ARHGEF38: variants seen among roughly 807,000 people sequenced by gnomAD.
ARHGEF38 encodes Rho guanine nucleotide exchange factor (GEF) 38.
In ARHGEF38, 79 loss-of-function variants were observed where a neutral mutation model predicts 79.9. The ratio of observed to expected loss-of-function variants is 0.99; its 90% CI spans 0.82 to 1.19. The LOEUF (loss-of-function observed/expected upper bound fraction) is 1.19. ARHGEF38 is among the 50% of genes most tolerant of loss of function. ARHGEF38 has a pLI of 0.00. For synonymous variants in ARHGEF38, 366 were observed against 328.3 expected, an observed-to-expected ratio of 1.11 and a Z score of -1.24; for missense variants, 962 against 907.2, an observed-to-expected ratio of 1.06 and a Z score of -0.78.
At chr4:105,619,493 T>C (rs1728650244) in intron 3 of ARHGEF38, among the ~76,000 whole-genome samples, 1 of 152,114 alleles carries the variant, frequency 6.6e-6, no homozygotes, top group African/African-American at 2.4e-5. Context: ...TTTTAAGTTT[T>C]GGAGTGATTC....
At chr4:105,616,274 TAGTC>T (rs1345228711) in intron 3 of ARHGEF38, among the ~76,000 whole-genome samples, 1 of 152,156 alleles carries the variant, frequency 6.6e-6, no homozygotes. Flanking sequence ...ATGTTTGTAT[TAGTC>T]AGTTTTCACA....
In ARHGEF38 at chr4:105,667,202, A is replaced by C; in HGVS notation, c.1763A>C (p.Gln588Pro). 1 of 1,536,154 alleles carries C rather than the reference A, an allele frequency of 6.5e-7. No homozygotes were observed. Among genetic ancestry groups the C allele is most frequent in the Admixed American group, 2.0e-5 (1 of 50,988 alleles). Reference protein sequence around the residue: ...LSTYSAEELYQAKRKCNATQE... With the variant: ...LSTYSAEELYPAKRKCNATQE... ...ACATATAGTGCAGAGGAACTCTATC[A>C]AGCTAAGCGCAAGTGCAATGCTACA... is the stretch of plus-strand genomic sequence containing the variant. Residue 588 changes from glutamine (Q) to proline (P), a missense_variant, in exon 12 of 14, where the codon CAA becomes CCA. By Grantham distance (76) the Gln-to-Pro change is moderately conservative (BLOSUM62 -1). Coordinates refer to ENST00000420470, the MANE Select transcript of ARHGEF38 (RefSeq NM_001242729.2).
chr4:105,553,198 CT>C (rs528621926), intron 1 of ARHGEF38, among the ~76,000 whole-genome samples: 61 of 149,320 alleles, frequency 4.1e-4, no homozygotes, highest in Admixed American at 8.7e-4. Context: ...CTGTGTTTTT[CT>C]TTTTTTTTTC....
chr4:105,617,128 T>C (rs1274915819), intron 3 of ARHGEF38, among the ~76,000 whole-genome samples: 2 of 152,216 alleles, frequency 1.3e-5, no homozygotes, highest in Admixed American at 1.3e-4. Context: ...TTTTAAAAAT[T>C]CAATTCACAG....
At chr4:105,580,282 CTTTAG>C (rs1726722672) in intron 1 of ARHGEF38, among the ~76,000 whole-genome samples, 1 of 152,088 alleles carries the variant, frequency 6.6e-6, no homozygotes, top group Non-Finnish European at 1.5e-5. Flanking sequence ...GCTCTTCCTT[CTTTAG>C]CTCTTTTATT....
intron 1 of ARHGEF38, among the ~76,000 whole-genome samples, chr4:105,574,734 A>G (rs1726406527): frequency 6.6e-6 from 1 of 151,920 alleles, no homozygotes; most frequent in African/African-American, 2.4e-5. Flanking sequence ...AAAATTTTTT[A>G]TTTCTATAGC....
At chr4:105,587,585 A>G (rs568912874) in intron 1 of ARHGEF38, among the ~76,000 whole-genome samples, 6 of 152,228 alleles carry the variant, frequency 3.9e-5, no homozygotes, top group Admixed American at 3.3e-4. Context: ...CTCAGCCTTC[A>G]AAGTAGCTGG....
chr4:105,598,483 C>A (rs1727679359), intron 2 of ARHGEF38, among the ~76,000 whole-genome samples: 1 of 152,188 alleles, frequency 6.6e-6, no homozygotes, highest in Non-Finnish European at 1.5e-5. Context: ...ATATACCTGC[C>A]TTTCTCATTC....
At chr4:105,561,554 C>T (rs1231489983) in intron 1 of ARHGEF38, 2 of 145,036 alleles carry the variant, frequency 1.4e-5, no homozygotes, top group African/African-American at 5.1e-5. Context: ...AGTTTCTTTC[C>T]CCAGATCTCT....
At chr4:105,644,913 C>T (rs1340787190) in intron 5 of ARHGEF38, among the ~76,000 whole-genome samples, 2 of 152,014 alleles carry the variant, frequency 1.3e-5, no homozygotes, top group East Asian at 3.9e-4. Context: ...TATAAAAAAC[C>T]TTGTAAACTG....
chr4:105,609,106 G>A (rs531237382), intron 2 of ARHGEF38, among the ~76,000 whole-genome samples: 112 of 152,078 alleles, frequency 7.4e-4, no homozygotes, highest in Admixed American at 2.0e-4. Flanking sequence ...GGAGCTTTTC[G>A]CCTGTGTTTT....
At position 105,595,165 on chromosome 4, in the gene ARHGEF38, C is replaced by T. The variant is rs113055779; in HGVS notation, c.384+5730C>T. Among the ~76,000 whole-genome samples, 183 of 152,284 alleles carry T rather than the reference C, an allele frequency of 1.2e-3. 3 individuals carry two copies. Among genetic ancestry groups the T allele is most frequent in the African/African-American group, 4.3e-3 (177 of 41,556 alleles). On this transcript the variant is annotated intron_variant, in intron 2 of 13. Coordinates refer to ENST00000420470, the MANE Select transcript of ARHGEF38 (RefSeq NM_001242729.2). ...AGGGGGCTATAGAATTCCTCAGCTA[C>T]TCGGTTTCCTCCCCTAGAGGCAAAC...
intron 2 of ARHGEF38, among the ~76,000 whole-genome samples, chr4:105,596,363 G>GCCC (rs1727579814): frequency 6.6e-6 from 1 of 152,078 alleles, no homozygotes; most frequent in African/African-American, 2.4e-5. Context: ...TCCTGCTTGT[G>GCCC]CCCCCCACCC....
chr4:105,644,701 T>G (rs1347067217), intron 5 of ARHGEF38, among the ~76,000 whole-genome samples: 1 of 152,220 alleles, frequency 6.6e-6, no homozygotes, highest in Admixed American at 6.5e-5. Flanking sequence ...TACAAAACAT[T>G]GTAAATGCAA....
At chr4:105,645,047 C>A in intron 5 of ARHGEF38, 141 bp from the exon 6 acceptor site, 1 of 719,786 alleles carries the variant, frequency 1.4e-6, no homozygotes. Flanking sequence ...GTCTTTTGCT[C>A]TTGCTTTTAT....
intron 1 of ARHGEF38, among the ~76,000 whole-genome samples, chr4:105,561,140 C>G (rs573839434): frequency 6.6e-6 from 1 of 152,096 alleles, no homozygotes; most frequent in East Asian, 1.9e-4. Context: ...GTAATCCCAG[C>G]ACTTTGGGTG....
At chr4:105,632,912 C>G (rs928743841) in intron 4 of ARHGEF38, 2 of 152,508 alleles carry the variant, frequency 1.3e-5, no homozygotes, top group African/African-American at 4.8e-5. Context: ...AGAAACAGAC[C>G]CTGCCAGAAG....
At chr4:105,657,035 T>C (rs1730358353) in intron 9 of ARHGEF38, among the ~76,000 whole-genome samples, 1 of 151,698 alleles carries the variant, frequency 6.6e-6, no homozygotes, top group African/African-American at 2.4e-5. Context: ...AGATGATAGA[T>C]AGATAGATAG....
In ARHGEF38 at chr4:105,678,184, T is replaced by A. The variant is rs976215873; in HGVS notation, c.*247T>A. The A allele has an allele frequency of 9.0e-6, 3 of 332,738 alleles. No individual in the cohort carries two copies. Among genetic ancestry groups the A allele is most frequent in the African/African-American group, 6.3e-5 (3 of 47,268 alleles). The allele number at this position is 332,738 out of a possible 1,614,324, so 20.6% of individuals were successfully genotyped here. A position where few individuals can be genotyped will look rare whatever the true frequency, so the allele number is the denominator to read the frequency against. ...AAGCAAATGACCCAAGCTTCAACTA[T>A]CAACTATTTAAAAGTGAAGATCTTT... is the stretch of plus-strand genomic sequence containing the variant. On this transcript the variant is annotated 3_prime_UTR_variant, in exon 14 of 14. Transcript: ENST00000420470.
Sources: gnomAD v4.1 joint callset for allele counts (sites outside exome capture counted in the v4.1 genomes callset) on GRCh38, gnomAD v4.1.1 for gene constraint, MANE v1.5 for transcripts, NCBI Gene and HGNC (gene_info 2026-07-23, HGNC 2026-07-21) for gene names.